BFSP2: variants seen among roughly 807,000 people sequenced by gnomAD.
The protein encoded by BFSP2 is beaded filament structural protein 2.
Under a neutral mutation model 44.9 loss-of-function variants are expected in BFSP2, and 38 were observed. The observed-to-expected ratio is 0.85, with a 90% CI of 0.65 to 1.11. BFSP2 has a LOEUF of 1.11. Among genes scored for constraint, BFSP2 ranks in the 50% least tolerant of loss-of-function variants. The pLI is 0.00. For missense variants in BFSP2, 525 were observed against 533.0 expected (o/e 0.99, Z 0.15); for synonymous variants, 197 against 209.9 (o/e 0.94, Z 0.53).
intron 1 of BFSP2, among the ~76,000 whole-genome samples, chr3:133,418,294 G>A (rs1341457980): frequency 6.6e-6 from 1 of 152,056 alleles, no homozygotes; most frequent in East Asian, 1.9e-4. Context: ...CCTTTCTCCA[G>A]CTCTGAGGAG....
At chr3:133,418,280 G>A (rs1245897934) in intron 1 of BFSP2, among the ~76,000 whole-genome samples, 1 of 151,902 alleles carries the variant, frequency 6.6e-6, no homozygotes, top group East Asian at 1.9e-4. Flanking sequence ...CACCCCCCAG[G>A]TAACCTTTCT....
intron 4 of BFSP2, among the ~76,000 whole-genome samples, chr3:133,459,276 C>G (rs548408877): frequency 1.3e-5 from 2 of 151,808 alleles, no homozygotes; most frequent in African/African-American, 4.8e-5. Context: ...CTCAGGAGGT[C>G]GAGGCTGCAG....
At position 133,472,333 on chromosome 3, in the gene BFSP2, G is replaced by A; in HGVS notation, c.1024-12G>A. 1.2e-6 allele frequency: 2 copies of A among 1,606,392 alleles called. No individual in the cohort carries two copies. Among genetic ancestry groups the A allele is most frequent in the African/African-American group, 2.7e-5 (2 of 75,006 alleles). Reference sequence around the variant, plus strand: ...TTGTCCTCGGGTTTGGACCGGGTTCGCTCTTTTGTAGAAACGAGGCCTGGA... The same window carrying A: ...TTGTCCTCGGGTTTGGACCGGGTTCACTCTTTTGTAGAAACGAGGCCTGGA... On this transcript the variant is annotated splice_polypyrimidine_tract_variant and intron_variant, in intron 5 of 6. Coordinates refer to ENST00000302334, the MANE Select transcript of BFSP2 (RefSeq NM_003571.4).
chr3:133,431,067 G>A (rs11718027), intron 1 of BFSP2, among the ~76,000 whole-genome samples: 80,440 of 151,590 alleles, frequency 0.53, 23,980 homozygotes, highest in East Asian at 0.75. Flanking sequence ...AAAAAACCCA[G>A]CCCAGTTCAT....
chr3:133,427,941 A>G (rs2370243), intron 1 of BFSP2, among the ~76,000 whole-genome samples: 127,405 of 152,152 alleles, frequency 0.84, 53,568 homozygotes, highest in Middle Eastern at 0.94. Context: ...AAACCCTATG[A>G]GGCCATTCCT....
At chr3:133,419,331 T>C (rs1244315897) in intron 1 of BFSP2, among the ~76,000 whole-genome samples, 1 of 152,226 alleles carries the variant, frequency 6.6e-6, no homozygotes, top group Non-Finnish European at 1.5e-5. Context: ...AATACCCATT[T>C]TACAGATAAA....
At chr3:133,473,631 G>T (rs1276537595) in intron 6 of BFSP2, among the ~76,000 whole-genome samples, 1 of 151,038 alleles carries the variant, frequency 6.6e-6, no homozygotes, top group African/African-American at 2.4e-5. Flanking sequence ...GTGTCCCTGG[G>T]TACTTGAGAT....
At chr3:133,465,276 G>A (rs2074099545) in intron 4 of BFSP2, among the ~76,000 whole-genome samples, 1 of 151,766 alleles carries the variant, frequency 6.6e-6, no homozygotes, top group African/African-American at 2.4e-5. Flanking sequence ...CAAAGTGCTG[G>A]GATTACAGGC....
At chr3:133,458,225 C>A (rs572525825) in intron 4 of BFSP2, among the ~76,000 whole-genome samples, 2 of 152,308 alleles carry the variant, frequency 1.3e-5, no homozygotes, top group African/African-American at 4.8e-5. Context: ...CAGATCATAT[C>A]TTTTGCCCAT....
chr3:133,409,535 C>T (rs532143576), intron 1 of BFSP2, among the ~76,000 whole-genome samples: 2 of 152,110 alleles, frequency 1.3e-5, no homozygotes, highest in Non-Finnish European at 2.9e-5. Context: ...CTCTAACAAC[C>T]ATCTTTCACT....
intron 1 of BFSP2, among the ~76,000 whole-genome samples, chr3:133,432,107 G>A (rs1354792228): frequency 6.6e-5 from 10 of 152,012 alleles, no homozygotes; most frequent in Non-Finnish European, 8.8e-5. Flanking sequence ...CAACGCCAAT[G>A]TCCCATCCCA....
At position 133,424,218 on chromosome 3, in the gene BFSP2, T is replaced by A. The variant is rs1281311838; in HGVS notation, c.490-23099T>A. Among the ~76,000 whole-genome samples the A allele has an allele frequency of 4.9e-3, 314 of 64,730 alleles. 1 individual carries two copies. Among genetic ancestry groups the A allele is most frequent in the African/African-American group, 0.016 (304 of 19,008 alleles). 42.5% of individuals were successfully genotyped at this position (64,730 alleles called of 152,430 possible). On this transcript the variant is annotated intron_variant, in intron 1 of 6. Coordinates refer to ENST00000302334, the MANE Select transcript of BFSP2 (RefSeq NM_003571.4). ...CTACCACCGCGTCCAGCTAATTTTT[T>A]TTTTTTTTTTTTTTTTTTTTTTTGT...
intron 1 of BFSP2, chr3:133,429,594 A>C (rs1447145330): frequency 6.6e-6 from 1 of 152,240 alleles, no homozygotes; most frequent in Non-Finnish European, 1.5e-5. Flanking sequence ...AGATTGTTTG[A>C]CCATCACATA....
At chr3:133,468,791 C>A (rs1410732798) in intron 5 of BFSP2, among the ~76,000 whole-genome samples, 2 of 152,140 alleles carry the variant, frequency 1.3e-5, no homozygotes, top group Non-Finnish European at 2.9e-5. Flanking sequence ...GAGACAATGG[C>A]AAGGTCACAT....
chr3:133,416,653 TCCTCTCCCCTCTACTCACCCTTGC>T (rs2073534215), intron 1 of BFSP2, among the ~76,000 whole-genome samples: 1 of 117,728 alleles, frequency 8.5e-6, no homozygotes, highest in African/African-American at 3.3e-5. Flanking sequence ...CTCACCTCTG[TCCTCTCCCCTCTACTCACCCTTGC>T]CCTCTCCCCT....
chr3:133,400,607 G>T lies in BFSP2; in HGVS notation c.489+35G>T. 6.4e-7 allele frequency: 1 copy of T among 1,561,644 alleles called. No individual in the cohort carries two copies. The highest frequency in any genetic ancestry group is 1.2e-5 in the South Asian group (1 of 85,352). On this transcript the variant is annotated intron_variant, in intron 1 of 6. Transcript: ENST00000302334. The surrounding 1 kb of genome is among the most constrained non-coding windows in gnomAD (Gnocchi z 4.0). ...CAGGCTGTGCCAAGGGCTTTGCAGA[G>T]GGCTGGGAGGGGCTGCTGAAGGCAG...
intron 3 of BFSP2, 176 bp downstream of exon 3, chr3:133,448,821 C>T (rs995924992): frequency 4.9e-6 from 4 of 813,974 alleles, no homozygotes; most frequent in Admixed American, 2.7e-5. Context: ...GTCAGGTTAC[C>T]CCAGCAGTCT....
chr3:133,443,051 G>T (rs2073860481), intron 1 of BFSP2, among the ~76,000 whole-genome samples: 1 of 151,978 alleles, frequency 6.6e-6, no homozygotes, highest in Admixed American at 6.5e-5. Context: ...TAGAGGCAGG[G>T]GTTTCACTAT....
intron 1 of BFSP2, among the ~76,000 whole-genome samples, chr3:133,431,893 TTTAAA>T (rs2073724994): frequency 1.3e-5 from 2 of 152,112 alleles, no homozygotes; most frequent in East Asian, 1.9e-4. Context: ...GCCGAGACAC[TTTAAA>T]TTATCTGCTT....
Sources: gnomAD v4.1 joint callset for allele counts (sites outside exome capture counted in the v4.1 genomes callset) on GRCh38, gnomAD v4.1.1 for gene constraint, Gnocchi (gnomAD v3.1) non-coding constraint, MANE v1.5 for transcripts, NCBI Gene and HGNC (gene_info 2026-07-23, HGNC 2026-07-21) for gene names.